LINGO2: variants seen among roughly 807,000 people sequenced by gnomAD.
The protein encoded by LINGO2 is leucine rich repeat and Ig domain containing 2.
A neutral mutation model predicts 30.6 loss-of-function variants in LINGO2; 14 were observed. That is an observed-to-expected ratio of 0.46 (90% CI 0.30 to 0.72). LINGO2 has a LOEUF of 0.72. Among genes scored for constraint, LINGO2 ranks in the 30% least tolerant of loss-of-function variants. The pLI, the probability that LINGO2 is intolerant of heterozygous loss-of-function variation, is 0.07. For missense variants in LINGO2, 729 were observed against 751.7 expected, an observed-to-expected ratio of 0.97 and a Z score of 0.35; for synonymous variants, 317 against 288.5, an observed-to-expected ratio of 1.10 and a Z score of -1.00.
chr9:28,368,356 G>C (rs1161797027), intron 3 of LINGO2, among the ~76,000 whole-genome samples: 1 of 152,072 alleles, frequency 6.6e-6, no homozygotes, highest in East Asian at 1.9e-4. Flanking sequence ...TGAACTTTTT[G>C]CTGGGAGAAA....
chr9:28,711,220 A>G, the LINGO2 span, among the ~76,000 whole-genome samples: 1 of 152,154 alleles, frequency 6.6e-6, no homozygotes, highest in Admixed American at 6.6e-5. Flanking sequence ...CTTAATGCTA[A>G]GGAAGATTCT....
At chr9:28,133,326 G>A (rs1827428392) in intron 4 of LINGO2, among the ~76,000 whole-genome samples, 1 of 152,060 alleles carries the variant, frequency 6.6e-6, no homozygotes, top group Non-Finnish European at 1.5e-5. Flanking sequence ...TATTACTGTA[G>A]TTGTCATCAG....
chr9:28,776,897 T>C, the LINGO2 span, among the ~76,000 whole-genome samples: 57 of 152,150 alleles, frequency 3.7e-4, no homozygotes, highest in Middle Eastern at 0.01. Context: ...TTTGTGTCCC[T>C]GCCCAAATCT....
intron 4 of LINGO2, among the ~76,000 whole-genome samples, chr9:28,126,866 A>G (rs938201757): frequency 4.6e-5 from 7 of 152,242 alleles, no homozygotes; most frequent in African/African-American, 1.7e-4. Context: ...TCAGAGAAAC[A>G]GTACTCTCTA....
At chr9:28,094,725 G>A (rs1005543360) in intron 4 of LINGO2, among the ~76,000 whole-genome samples, 17 of 151,998 alleles carry the variant, frequency 1.1e-4, no homozygotes, top group African/African-American at 4.1e-4. Context: ...CAATTTTCAT[G>A]TCTTTCATTA....
intron 5 of LINGO2, among the ~76,000 whole-genome samples, chr9:27,954,785 A>C (rs570763537): frequency 6.6e-6 from 1 of 152,338 alleles, no homozygotes; most frequent in East Asian, 1.9e-4. Context: ...TTGCTGGATC[A>C]TACGAGAGTT....
At chr9:28,567,959 T>G (rs896848164) in intron 1 of LINGO2, among the ~76,000 whole-genome samples, 1 of 152,110 alleles carries the variant, frequency 6.6e-6, no homozygotes. Context: ...CAAAGCTGAC[T>G]TCCCATCCCA....
the LINGO2 span, among the ~76,000 whole-genome samples, chr9:28,990,245 C>T: frequency 6.6e-6 from 1 of 152,232 alleles, no homozygotes; most frequent in African/African-American, 2.4e-5. Context: ...CGGAGTCTCG[C>T]TGACTGCTAG....
the LINGO2 span, among the ~76,000 whole-genome samples, chr9:28,747,709 G>T: frequency 2.0e-5 from 3 of 152,024 alleles, no homozygotes; most frequent in Non-Finnish European, 4.4e-5. Flanking sequence ...GAGGAGCCAG[G>T]GAACTCTCCA....
intron 4 of LINGO2, among the ~76,000 whole-genome samples, chr9:28,255,407 T>A (rs546860444): frequency 2.0e-5 from 3 of 152,078 alleles, no homozygotes; most frequent in Non-Finnish European, 4.4e-5. Context: ...GAGTCAGACT[T>A]GCTAGGCTTG....
At chr9:28,556,361 CAGAG>C (rs1287174135) in intron 1 of LINGO2, among the ~76,000 whole-genome samples, 2 of 151,866 alleles carry the variant, frequency 1.3e-5, no homozygotes, top group African/African-American at 2.4e-5. Context: ...AACAGACAAA[CAGAG>C]AGCCAAATCA....
chr9:28,951,937 G>GA, the LINGO2 span, among the ~76,000 whole-genome samples: 2 of 152,000 alleles, frequency 1.3e-5, no homozygotes, highest in Non-Finnish European at 1.5e-5. Flanking sequence ...CCAAACACAT[G>GA]AAAAAATGCT....
At chr9:28,831,672 T>A in the LINGO2 span, among the ~76,000 whole-genome samples, 1 of 151,948 alleles carries the variant, frequency 6.6e-6, no homozygotes, top group African/African-American at 2.4e-5. Flanking sequence ...AGCAGTAAAA[T>A]GTGATAGGAA....
chr9:29,184,011 T>C, the LINGO2 span, among the ~76,000 whole-genome samples: 1 of 152,132 alleles, frequency 6.6e-6, no homozygotes, highest in Non-Finnish European at 1.5e-5. Flanking sequence ...AAAATAAAGT[T>C]AATTTAATAA....
chr9:28,374,125 G>A (rs1223976753), intron 2 of LINGO2, among the ~76,000 whole-genome samples: 1 of 151,170 alleles, frequency 6.6e-6, no homozygotes, highest in Non-Finnish European at 1.5e-5. Flanking sequence ...GCCTTTGTTC[G>A]GCACCACGAC....
chr9:28,407,219 TA>T (rs564628616), intron 2 of LINGO2, among the ~76,000 whole-genome samples: 40 of 136,962 alleles, frequency 2.9e-4, no homozygotes, highest in Admixed American at 5.8e-4. Context: ...TTAAAAACAA[TA>T]AAAAAAGGAG....
At chr9:28,121,843 A>G (rs959280513) in intron 4 of LINGO2, among the ~76,000 whole-genome samples, 13 of 152,230 alleles carry the variant, frequency 8.5e-5, no homozygotes, top group Non-Finnish European at 1.6e-4. Context: ...AAGCAGGAAG[A>G]CTTCAGAACC....
At chr9:28,184,584 G>T (rs1311976071) in intron 4 of LINGO2, among the ~76,000 whole-genome samples, 2 of 150,034 alleles carry the variant, frequency 1.3e-5, no homozygotes, top group Admixed American at 6.7e-5. Context: ...GGGTAAGAGG[G>T]GGGAGAGAAA....
chr9:28,046,144 A>G (rs898511409), intron 4 of LINGO2, among the ~76,000 whole-genome samples: 1 of 152,176 alleles, frequency 6.6e-6, no homozygotes, highest in African/African-American at 2.4e-5. Flanking sequence ...GGCTAAAACC[A>G]CTTTTTAAAT....
Sources: gnomAD v4.1 joint callset for allele counts (sites outside exome capture counted in the v4.1 genomes callset) on GRCh38, gnomAD v4.1.1 for gene constraint, MANE v1.5 for transcripts, NCBI Gene and HGNC (gene_info 2026-07-23, HGNC 2026-07-21) for gene names.